Variants in CCDC178 observed in about 807,000 individuals in gnomAD.
CCDC178 encodes the protein coiled-coil domain containing 178.
In CCDC178, 126 loss-of-function variants were observed where a neutral mutation model predicts 117.4. The observed-to-expected ratio is 1.07, with a 90% confidence interval of 0.93 to 1.24. CCDC178 has a LOEUF of 1.24. CCDC178 is among the 50% of genes most tolerant of loss of function. The pLI, the probability that CCDC178 is intolerant of heterozygous loss-of-function variation, is 0.00. For synonymous variants in CCDC178, 283 were observed against 313.4 expected, an observed-to-expected ratio of 0.90 and a Z score of 1.02; for missense variants, 1,030 against 986.9, an observed-to-expected ratio of 1.04 and a Z score of -0.59.
chr18:32,954,933 C>A (rs1163893820), intron 22 of CCDC178, among the ~76,000 whole-genome samples: 1 of 152,042 alleles, frequency 6.6e-6, no homozygotes, highest in Non-Finnish European at 1.5e-5. Flanking sequence ...AAAAAAAAGT[C>A]TTGTCACTCA....
chr18:33,113,121 A>G (rs1172584756), intron 20 of CCDC178, among the ~76,000 whole-genome samples: 1 of 152,026 alleles, frequency 6.6e-6, no homozygotes, highest in Admixed American at 6.6e-5. Context: ...ACAAAAGAAA[A>G]CACATGCTCA....
Position 33,267,209 on chromosome 18 carries a change from TA to T in CCDC178, c.1264del (p.Tyr422MetfsTer28). 1 of 1,594,994 alleles carries T rather than the reference TA, an allele frequency of 6.3e-7. No homozygotes were observed. The highest frequency in any genetic ancestry group is 8.5e-7 in the Non-Finnish European group (1 of 1,174,136). Reference sequence around the variant, plus strand: ...AGGAAAAAATCAACTTACTGCAGCATAAAAATCATTAACTGCTTCCAGATAC... The same window carrying T: ...AGGAAAAAATCAACTTACTGCAGCATAAAATCATTAACTGCTTCCAGATAC... ...NQYLEAVNDF[Y>X]AAKKTWDIEL... On this transcript the variant is annotated frameshift_variant, in exon 13 of 23. Transcript: ENST00000383096. LOFTEE classifies it high-confidence loss of function.
At chr18:33,188,847 T>A (rs534109417) in intron 20 of CCDC178, among the ~76,000 whole-genome samples, 7 of 152,298 alleles carry the variant, frequency 4.6e-5, no homozygotes, top group Non-Finnish European at 8.8e-5. Context: ...TGTGGAAATA[T>A]GTTATGGCAG....
chr18:32,970,624 A>G (rs1035252118), intron 22 of CCDC178, among the ~76,000 whole-genome samples: 1 of 152,022 alleles, frequency 6.6e-6, no homozygotes, highest in Non-Finnish European at 1.5e-5. Flanking sequence ...CACTCCACAA[A>G]TACATTAAGT....
rs993022793 is a variant in CCDC178 at position 33,395,196 on chromosome 18, T to C, written c.118+1953A>G. ...CTAGTCTCACGTTCCATAGACAAAA[T>C]TTAAGTGATTCGTGAAATCGGATGG... On this transcript the variant is annotated intron_variant, in intron 4 of 22. Coordinates refer to ENST00000383096, the MANE Select transcript of CCDC178 (RefSeq NM_001105528.4). Among the ~76,000 whole-genome samples, 5 of 151,410 alleles carry C rather than the reference T, an allele frequency of 3.3e-5. No individual in the cohort carries two copies. The South Asian group carries it at 1.0e-3, about 31-fold the overall frequency.
At chr18:33,086,423 T>TACACACAC (rs1202668250) in intron 21 of CCDC178, among the ~76,000 whole-genome samples, 1 of 149,070 alleles carries the variant, frequency 6.7e-6, no homozygotes, top group African/African-American at 2.5e-5. Context: ...TATAAATATA[T>TACACACAC]ATACACACAC....
chr18:33,326,822 C>T (rs1204162903), intron 10 of CCDC178, among the ~76,000 whole-genome samples: 1 of 151,894 alleles, frequency 6.6e-6, no homozygotes, highest in East Asian at 1.9e-4. Context: ...TCGAAGACAT[C>T]AAGTCTACCT....
chr18:33,415,693 T>C (rs896173817), intron 2 of CCDC178, among the ~76,000 whole-genome samples: 2 of 152,098 alleles, frequency 1.3e-5, no homozygotes, highest in Admixed American at 6.5e-5. Flanking sequence ...ACTTAAAGTA[T>C]AGTTTAAAAA....
chr18:33,260,310 T>A (rs1359702389), intron 14 of CCDC178, among the ~76,000 whole-genome samples: 1 of 152,142 alleles, frequency 6.6e-6, no homozygotes, highest in Admixed American at 6.5e-5. Context: ...CTATGTTATA[T>A]CTTACCTATT....
At chr18:33,429,779 C>G (rs746085863) in intron 2 of CCDC178, among the ~76,000 whole-genome samples, 158 of 152,028 alleles carry the variant, frequency 1.0e-3, no homozygotes, top group Non-Finnish European at 1.3e-3. Flanking sequence ...GTCATTACAG[C>G]TAGAGAATAG....
At chr18:33,218,919 T>A (rs533543745) in intron 18 of CCDC178, among the ~76,000 whole-genome samples, 11 of 152,142 alleles carry the variant, frequency 7.2e-5, no homozygotes, top group Non-Finnish European at 1.3e-4. Context: ...GGCTTAGGAT[T>A]GTCTTGGCAA....
rs145618359 is a variant in CCDC178 at position 33,021,159 on chromosome 18, ACT to A, written c.2389-46480_2389-46479del. Among the ~76,000 whole-genome samples, 1,347 of 152,254 alleles carry A rather than the reference ACT, an allele frequency of 8.8e-3. 19 individuals carry two copies. Among genetic ancestry groups the A allele is most frequent in the African/African-American group, 0.031 (1,292 of 41,536 alleles). On this transcript the variant is annotated intron_variant, in intron 21 of 22. Coordinates refer to ENST00000383096, the MANE Select transcript of CCDC178 (RefSeq NM_001105528.4). ...CGACATGATAATGCAGAAATACATA[ACT>A]CTGAATCAGATGACTAAAGAAAACA... is the stretch of plus-strand genomic sequence containing the variant.
chr18:33,138,949 G>C (rs1179940291), intron 20 of CCDC178, among the ~76,000 whole-genome samples: 1 of 152,150 alleles, frequency 6.6e-6, no homozygotes, highest in Non-Finnish European at 1.5e-5. Context: ...ATATGGTTTG[G>C]CTGTGTCCCC....
intron 20 of CCDC178, among the ~76,000 whole-genome samples, chr18:33,122,918 C>T (rs761251357): frequency 5.3e-5 from 8 of 152,000 alleles, no homozygotes; most frequent in Non-Finnish European, 1.2e-4. Context: ...TCATAGGTAC[C>T]GGCTACAGAA....
In CCDC178 at chr18:33,186,077, C is replaced by G. The variant is rs201858830; in HGVS notation, c.2238+25819G>C. On this transcript the variant is annotated intron_variant, in intron 20 of 22. Transcript: ENST00000383096. ...GAATAATTTATTATCTAATATATGT[C>G]AAGTATTGTAATATGTTCAAGTTAG... is the stretch of plus-strand genomic sequence containing the variant. 3.3e-5 allele frequency among the ~76,000 whole-genome samples: 5 copies of G among 151,908 alleles called. No homozygotes were observed. In the East Asian group the frequency reaches 9.6e-4, roughly 29 times the overall value.
At position 32,969,402 on chromosome 18, in the gene CCDC178, C is replaced by T. The variant is rs186174535; in HGVS notation, c.2523+5145G>A. Among the ~76,000 whole-genome samples, 156 of 152,118 alleles carry T rather than the reference C, an allele frequency of 1.0e-3. 2 individuals are homozygous for T. In the South Asian group the frequency reaches 0.016, roughly 15 times the overall value. On this transcript the variant is annotated intron_variant, in intron 22 of 22. Transcript: ENST00000383096. ...TGGCCTGTTTAATCTAACATCTGAACACCAGAAGTGCACGCTTGGACAGAA... is the reference window on the plus strand; with the variant it reads ...TGGCCTGTTTAATCTAACATCTGAATACCAGAAGTGCACGCTTGGACAGAA...
chr18:32,958,146 C>T, intron 22 of CCDC178: 1 of 512,636 alleles, frequency 2.0e-6, no homozygotes, highest in Non-Finnish European at 3.6e-6. Context: ...AAAACACAGA[C>T]ATTACGTTTG....
At chr18:33,347,358 C>T (rs564919693) in intron 8 of CCDC178, among the ~76,000 whole-genome samples, 7 of 152,194 alleles carry the variant, frequency 4.6e-5, no homozygotes, top group Admixed American at 1.3e-4. Flanking sequence ...TATTAAATAA[C>T]GGTGATAAGC....
At chr18:32,958,067 C>A (rs575380778) in intron 22 of CCDC178, 4 of 350,350 alleles carry the variant, frequency 1.1e-5, no homozygotes, top group South Asian at 1.5e-4. Context: ...AACTACTGAG[C>A]CAAGTCAGTG....
Sources: allele counts gnomAD v4.1 joint callset (sites outside exome capture counted in the v4.1 genomes callset), GRCh38; gene constraint gnomAD v4.1.1; transcripts MANE v1.5; gene names NCBI Gene and HGNC (gene_info 2026-07-23, HGNC 2026-07-21).